Variants in LMX1A observed in about 807,000 individuals in gnomAD.
The protein encoded by LMX1A is LIM homeobox transcription factor 1 alpha, also known as LIM homeobox transcription factor 1-alpha.
In LMX1A, 15 loss-of-function variants were observed where a neutral mutation model predicts 49.1. The observed-to-expected ratio is 0.31, with a 90% CI of 0.20 to 0.47. LMX1A has a LOEUF of 0.47. LMX1A is among the 20% of genes least tolerant of loss of function. The pLI, the probability that LMX1A is intolerant of heterozygous loss-of-function variation, is 1.00. For missense variants in LMX1A, 372 were observed against 475.8 expected (o/e 0.78, Z 2.03); for synonymous variants, 167 against 185.7 (o/e 0.90, Z 0.82).
In LMX1A at chr1:165,213,539, C is replaced by T. The variant is rs2102603852; in HGVS notation, c.669+102G>A. On this transcript the variant is annotated intron_variant, in intron 5 of 8. Coordinates refer to ENST00000342310, the MANE Select transcript of LMX1A (RefSeq NM_177398.4). Reference sequence around the variant, plus strand: ...TGCAGGCTCTGTCTGAACAGCCTTCCTCACCACTGTGACCCCCAATGCCCA... The same window carrying T: ...TGCAGGCTCTGTCTGAACAGCCTTCTTCACCACTGTGACCCCCAATGCCCA... 1.0e-5 allele frequency: 11 copies of T among 1,104,114 alleles called. No individual in the cohort carries two copies. The South Asian group carries it at 1.5e-4, about 15-fold the overall frequency. 68.4% of individuals were successfully genotyped at this position (1,104,114 alleles called of 1,614,324 possible).
At chr1:165,309,789 C>A (rs1460704254) in intron 3 of LMX1A, among the ~76,000 whole-genome samples, 1 of 152,196 alleles carries the variant, frequency 6.6e-6, no homozygotes, top group Non-Finnish European at 1.5e-5. Context: ...CAAGCCAAAT[C>A]ATAGCATCGC....
intron 6 of LMX1A, among the ~76,000 whole-genome samples, chr1:165,210,188 G>C (rs77284665): frequency 6.6e-6 from 1 of 152,176 alleles, no homozygotes; most frequent in African/African-American, 2.4e-5. Flanking sequence ...ATGAGCAAAA[G>C]GTCTAAAACT....
At chr1:165,222,734 T>C (rs900407329) in intron 4 of LMX1A, among the ~76,000 whole-genome samples, 19 of 152,224 alleles carry the variant, frequency 1.2e-4, no homozygotes, top group Non-Finnish European at 2.5e-4. Flanking sequence ...GCTTGAGCCC[T>C]TGGCTGAGAC....
intron 3 of LMX1A, among the ~76,000 whole-genome samples, chr1:165,275,832 C>T (rs1040751350): frequency 1.5e-5 from 2 of 136,688 alleles, no homozygotes; most frequent in African/African-American, 5.4e-5. Flanking sequence ...TTTTATGGCG[C>T]TGGGGTGTGT....
chr1:165,354,980 G>C lies in LMX1A; in HGVS notation c.76+504C>G, dbSNP rs915572927. On this transcript the variant is annotated intron_variant, in intron 2 of 8. Transcript: ENST00000342310. ...CGCGGAGCCTAGGGCCCAGCCGCGC[G>C]GTCTAATCCCCGCGCTGCGTTGCCT... is the stretch of plus-strand genomic sequence containing the variant. Among the ~76,000 whole-genome samples the C allele has an allele frequency of 2.6e-5, 4 of 152,250 alleles. No individual in the cohort carries two copies. The East Asian group carries it at 7.8e-4, about 30-fold the overall frequency.
intron 3 of LMX1A, among the ~76,000 whole-genome samples, chr1:165,250,281 C>A (rs1185301263): frequency 6.6e-6 from 1 of 151,934 alleles, no homozygotes; most frequent in Non-Finnish European, 1.5e-5. Flanking sequence ...GAGTTAATGC[C>A]CAGAATGTAT....
Position 165,210,793 on chromosome 1 carries a change from G to A in LMX1A, c.670-17C>T, listed in dbSNP as rs756466198. 3.8e-6 allele frequency: 6 copies of A among 1,595,652 alleles called. No homozygotes were observed. Among genetic ancestry groups the A allele is most frequent in the Admixed American group, 1.7e-5 (1 of 59,892 alleles). On this transcript the variant is annotated splice_polypyrimidine_tract_variant and intron_variant, in intron 5 of 8. Transcript: ENST00000342310. Reference sequence around the variant, plus strand: ...CTCTCTCACCTTGGAAAAATTGAACGAGAAATGTAGACACACTGGCATCTC... The same window carrying A: ...CTCTCTCACCTTGGAAAAATTGAACAAGAAATGTAGACACACTGGCATCTC...
At chr1:165,324,539 G>T (rs1655513493) in intron 3 of LMX1A, among the ~76,000 whole-genome samples, 2 of 152,106 alleles carry the variant, frequency 1.3e-5, no homozygotes, top group Admixed American at 1.3e-4. Context: ...TTATCATCCA[G>T]CTCCAGGAGG....
chr1:165,222,230 CAAG>C (rs1227853635), intron 4 of LMX1A, among the ~76,000 whole-genome samples: 1 of 152,112 alleles, frequency 6.6e-6, no homozygotes, highest in East Asian at 1.9e-4. Context: ...GGCCAGCCTC[CAAG>C]AAGGAGACTG....
chr1:165,340,223 C>A (rs916869171), intron 3 of LMX1A, among the ~76,000 whole-genome samples: 2 of 152,138 alleles, frequency 1.3e-5, no homozygotes, highest in African/African-American at 4.8e-5. Context: ...CCACCTCAGC[C>A]TCCCGAGTAC....
At chr1:165,328,982 A>G (rs1301356674) in intron 3 of LMX1A, among the ~76,000 whole-genome samples, 1 of 152,192 alleles carries the variant, frequency 6.6e-6, no homozygotes, top group African/African-American at 2.4e-5. Flanking sequence ...TGAGAATTGG[A>G]GAGGTCTTTG....
intron 4 of LMX1A, among the ~76,000 whole-genome samples, chr1:165,236,447 G>A (rs1226403925): frequency 1.3e-5 from 2 of 151,870 alleles, no homozygotes; most frequent in African/African-American, 2.4e-5. Flanking sequence ...TAGAGATGCC[G>A]GGTCAAATAC....
At chr1:165,235,262 T>C (rs1013624630) in intron 4 of LMX1A, among the ~76,000 whole-genome samples, 1 of 152,106 alleles carries the variant, frequency 6.6e-6, no homozygotes, top group Non-Finnish European at 1.5e-5. Flanking sequence ...AGGGTTCAGG[T>C]AGCGACGGTG....
chr1:165,261,863 G>A (rs1299910041), intron 3 of LMX1A, among the ~76,000 whole-genome samples: 1 of 152,104 alleles, frequency 6.6e-6, no homozygotes, highest in African/African-American at 2.4e-5. Context: ...GTTGCTTCCA[G>A]GAAAAGAAAA....
At chr1:165,236,366 T>C (rs1428585041) in intron 4 of LMX1A, among the ~76,000 whole-genome samples, 2 of 151,880 alleles carry the variant, frequency 1.3e-5, no homozygotes, top group African/African-American at 2.4e-5. Context: ...CGTACAGGCT[T>C]GCAGGCTCCA....
intron 3 of LMX1A, among the ~76,000 whole-genome samples, chr1:165,307,967 T>G (rs1654968295): frequency 6.6e-6 from 1 of 152,202 alleles, no homozygotes; most frequent in Non-Finnish European, 1.5e-5. Context: ...TCCTCCTTGG[T>G]TCCATAAATG....
intron 4 of LMX1A, among the ~76,000 whole-genome samples, chr1:165,226,972 A>G (rs914228185): frequency 2.0e-5 from 3 of 152,222 alleles, no homozygotes; most frequent in African/African-American, 7.2e-5. Context: ...GAGAAGAAAG[A>G]TTAACAGGCC....
chr1:165,260,471 C>T (rs1254023982), intron 3 of LMX1A, among the ~76,000 whole-genome samples: 1 of 152,092 alleles, frequency 6.6e-6, no homozygotes, highest in Non-Finnish European at 1.5e-5. Context: ...ATCCTGTTTG[C>T]TTTGGTCAAC....
At chr1:165,236,110 G>C (rs1210589880) in intron 4 of LMX1A, among the ~76,000 whole-genome samples, 1 of 152,192 alleles carries the variant, frequency 6.6e-6, no homozygotes, top group Non-Finnish European at 1.5e-5. Context: ...AGAAAGGAAA[G>C]AAATCGGACT....
Sources: allele counts gnomAD v4.1 joint callset (sites outside exome capture counted in the v4.1 genomes callset), GRCh38; gene constraint gnomAD v4.1.1; transcripts MANE v1.5; gene names NCBI Gene and HGNC (gene_info 2026-07-23, HGNC 2026-07-21).